The following STK31 variants were observed in gnomAD, a reference collection of about 807,000 sequenced individuals.
The protein encoded by STK31 is serine/threonine kinase 31, also known as serine/threonine-protein kinase 31.
Under a neutral mutation model 129.7 loss-of-function variants are expected in STK31, and 89 were observed. The ratio of observed to expected loss-of-function variants is 0.69; its 90% CI spans 0.58 to 0.82. STK31 has a LOEUF of 0.82. Ranked by LOEUF, STK31 falls within the 40% of genes least tolerant of loss-of-function variation. STK31 has a pLI of 0.00. For synonymous variants in STK31, 448 were observed against 395.3 expected (o/e 1.13, Z -1.58); for missense variants, 1,187 against 1,176.4 (o/e 1.01, Z -0.13).
At chr7:23,711,678 T>C (rs182356695) in intron 1 of STK31, among the ~76,000 whole-genome samples, 1 of 152,338 alleles carries the variant, frequency 6.6e-6, no homozygotes. Flanking sequence ...CCGTGCCTTT[T>C]ACATAAAATA....
At chr7:23,723,209 C>T (rs1018247262) in intron 4 of STK31, among the ~76,000 whole-genome samples, 12 of 152,152 alleles carry the variant, frequency 7.9e-5, no homozygotes, top group Admixed American at 1.3e-4. Context: ...ACCTCTCTCT[C>T]CTCTTTTCTT....
At chr7:23,800,762 T>C (rs1562614821) in intron 22 of STK31, among the ~76,000 whole-genome samples, 1 of 151,818 alleles carries the variant, frequency 6.6e-6, no homozygotes, top group Admixed American at 6.6e-5. Flanking sequence ...AAAGAAAAAA[T>C]AGAAAAAAAT....
intron 23 of STK31, among the ~76,000 whole-genome samples, chr7:23,828,362 C>T (rs750210006): frequency 2.0e-5 from 3 of 152,210 alleles, no homozygotes; most frequent in Non-Finnish European, 4.4e-5. Flanking sequence ...TAGCAATGAG[C>T]GAGGCTCCTT....
At chr7:23,822,638 A>G (rs911993297) in intron 23 of STK31, among the ~76,000 whole-genome samples, 7 of 152,112 alleles carry the variant, frequency 4.6e-5, no homozygotes, top group African/African-American at 1.7e-4. Flanking sequence ...GTTTTAGGAT[A>G]CATGTGCACA....
intron 23 of STK31, among the ~76,000 whole-genome samples, chr7:23,821,086 A>G (rs116021116): frequency 0.025 from 3,756 of 151,676 alleles, 147 homozygotes; most frequent in African/African-American, 0.085. Flanking sequence ...TACCTTTGTA[A>G]TTGTGAATAG....
intron 23 of STK31, among the ~76,000 whole-genome samples, chr7:23,824,060 A>G (rs1385542826): frequency 2.6e-5 from 4 of 152,222 alleles, no homozygotes; most frequent in African/African-American, 4.8e-5. Flanking sequence ...CTTTTGGCTT[A>G]GGATTGACTT....
chr7:23,765,960 C>T (rs1789799336), intron 11 of STK31, among the ~76,000 whole-genome samples: 1 of 152,180 alleles, frequency 6.6e-6, no homozygotes, highest in South Asian at 2.1e-4. Context: ...GGATTTTAGT[C>T]ACGGGTTATT....
intron 8 of STK31, among the ~76,000 whole-genome samples, chr7:23,750,116 T>C (rs1464309625): frequency 7.2e-6 from 1 of 139,370 alleles, no homozygotes; most frequent in Non-Finnish European, 1.5e-5. Flanking sequence ...TGCGATGATA[T>C]GTATGATACT....
intron 8 of STK31, among the ~76,000 whole-genome samples, chr7:23,744,937 C>G (rs1319893257): frequency 6.6e-6 from 1 of 152,148 alleles, no homozygotes; most frequent in African/African-American, 2.4e-5. Flanking sequence ...AGGAGTCTTG[C>G]TTGGGTGCTA....
In STK31 at chr7:23,736,558, CAGGGGATCACAGGACGGGGGGATCACG is replaced by C. The variant is rs1432301920; in HGVS notation, c.843-345_843-319del. 6.8e-4 allele frequency among the ~76,000 whole-genome samples: 29 copies of C among 42,378 alleles called. No homozygotes were observed. The Admixed American group carries it at 7.7e-3, about 11-fold the overall frequency. The allele number at this position is 42,378 out of a possible 152,430, so 27.8% of individuals were successfully genotyped here. A position where few individuals can be genotyped will look rare whatever the true frequency, so the allele number is the denominator to read the frequency against. On this transcript the variant is annotated intron_variant, in intron 7 of 23. Transcript: ENST00000355870. ...TGGGAGGCGGTGGACGGGGGGATCA[CAGGGGATCACAGGACGGGGGGATCACG>C]GGGGGGGGATCACAGGAGGGACTGG...
At chr7:23,730,109 TCTTACAGGAATTCTAC>T (rs2128074781) in intron 6 of STK31, among the ~76,000 whole-genome samples, 1 of 152,302 alleles carries the variant, frequency 6.6e-6, no homozygotes, top group East Asian at 1.9e-4. Context: ...TCAGGGGTAG[TCTTACAGGAATTCTAC>T]CTCTTTTAAA....
At chr7:23,822,646 A>G (rs939684731) in intron 23 of STK31, among the ~76,000 whole-genome samples, 6 of 152,214 alleles carry the variant, frequency 3.9e-5, no homozygotes, top group African/African-American at 1.4e-4. Context: ...ATACATGTGC[A>G]CAACGTGCAG....
chr7:23,820,483 T>A (rs906139935), intron 23 of STK31, among the ~76,000 whole-genome samples: 1 of 152,206 alleles, frequency 6.6e-6, no homozygotes, highest in African/African-American at 2.4e-5. Context: ...ACAGTCGGTA[T>A]TTAGGGTATC....
At chr7:23,742,631 C>G (rs1284984179) in intron 8 of STK31, among the ~76,000 whole-genome samples, 1 of 152,218 alleles carries the variant, frequency 6.6e-6, no homozygotes, top group Admixed American at 6.5e-5. Flanking sequence ...TACTGTTTCC[C>G]TGCGTACAGT....
At chr7:23,717,438 A>T in intron 3 of STK31, 43 bp from the exon 4 acceptor site, 1 of 1,409,052 alleles carries the variant, frequency 7.1e-7, no homozygotes, top group Non-Finnish European at 9.9e-7. Context: ...AACACTGTAA[A>T]ATAATATTTT....
At position 23,792,111 on chromosome 7, in the gene STK31, A is replaced by G. The variant is rs1168383817; in HGVS notation, c.2760+1165A>G. 2.6e-5 allele frequency among the ~76,000 whole-genome samples: 4 copies of G among 152,320 alleles called. No homozygotes were observed. In the East Asian group the frequency reaches 7.7e-4, roughly 29 times the overall value. On this transcript the variant is annotated intron_variant, in intron 22 of 23. Transcript: ENST00000355870. ...AATCAGTTTGGTGCAGAGGCCATAT[A>G]GTTTGCTGATCTCTGTTCCAATCAG...
Position 23,737,014 on chromosome 7 carries a change from A to T in STK31, c.953A>T (p.Asp318Val). 1 of 1,613,204 alleles carries T rather than the reference A, an allele frequency of 6.2e-7. No individual in the cohort carries two copies. The highest frequency in any genetic ancestry group is 8.5e-7 in the Non-Finnish European group (1 of 1,179,808). The change falls in exon 8 of 24, where the codon GAC (aspartate) becomes GTC (valine). Residue 318 changes from aspartate to valine, a missense_variant. Coordinates refer to ENST00000355870, the MANE Select transcript of STK31 (RefSeq NM_031414.5). Reference sequence around the variant, plus strand: ...AATGAAAAACTTAAAACAGAGAAGGACGCTCTTCTTGAAAGTTATAAGGCG... The same window carrying T: ...AATGAAAAACTTAAAACAGAGAAGGTCGCTCTTCTTGAAAGTTATAAGGCG... ...EENEKLKTEKDALLESYKALE... is the reference protein window; with the variant it reads ...EENEKLKTEKVALLESYKALE...
At chr7:23,808,982 T>TGTG (rs1230870285) in intron 22 of STK31, among the ~76,000 whole-genome samples, 4 of 149,224 alleles carry the variant, frequency 2.7e-5, no homozygotes, top group Non-Finnish European at 4.4e-5. Flanking sequence ...CCTGTGTCTG[T>TGTG]TGGCATTTCT....
intron 10 of STK31, among the ~76,000 whole-genome samples, chr7:23,755,798 A>T (rs946253548): frequency 6.6e-6 from 1 of 152,134 alleles, no homozygotes; most frequent in Admixed American, 6.5e-5. Context: ...CGAAGATCAG[A>T]TGGTTTTAGA....
Sources: gnomAD v4.1 joint callset for allele counts (sites outside exome capture counted in the v4.1 genomes callset) on GRCh38, gnomAD v4.1.1 for gene constraint, MANE v1.5 for transcripts, NCBI Gene and HGNC (gene_info 2026-07-23, HGNC 2026-07-21) for gene names.